The following ENTPD1 variants were observed in gnomAD, a reference collection of about 807,000 sequenced individuals.
ENTPD1 encodes ectonucleoside triphosphate diphosphohydrolase 1.
A neutral mutation model predicts 57.0 loss-of-function variants in ENTPD1; 33 were observed. The observed-to-expected ratio is 0.58, with a 90% confidence interval of 0.44 to 0.77. The LOEUF (loss-of-function observed/expected upper bound fraction) is 0.77. ENTPD1 is among the 30% of genes least tolerant of loss of function. The probability of loss-of-function intolerance (pLI) is 0.00; values close to 1 mark genes in which losing one functional copy is unlikely to be tolerated. For synonymous variants in ENTPD1, 202 were observed against 218.8 expected (o/e 0.92, Z 0.68); for missense variants, 501 against 603.4 (o/e 0.83, Z 1.78).
At position 95,872,986 on chromosome 10, in the gene ENTPD1, T is replaced by A; in HGVS notation, c.*6603T>A. The A allele has an allele frequency of 1.0e-6, 1 of 985,322 alleles. No homozygotes were observed. The highest frequency in any genetic ancestry group is 1.2e-6 in the Non-Finnish European group (1 of 829,826). The allele number at this position is 985,322 out of a possible 1,614,324, so 61.0% of individuals were successfully genotyped here. A position where few individuals can be genotyped will look rare whatever the true frequency, so the allele number is the denominator to read the frequency against. On this transcript the variant is annotated 3_prime_UTR_variant, in exon 10 of 10. Coordinates refer to ENST00000371205, the MANE Select transcript of ENTPD1 (RefSeq NM_001776.6). ...AGAATTTTAAGGATTAGAATGAACC[T>A]TAAAAGATCATGCATCTCAAAATTT...
At chr10:95,760,288 G>A (rs191418676) in intron 1 of ENTPD1, among the ~76,000 whole-genome samples, 6 of 152,346 alleles carry the variant, frequency 3.9e-5, no homozygotes, top group Admixed American at 1.3e-4. Context: ...CTAGAAAGAT[G>A]AGTAGAATCT....
chr10:95,825,402 AC>A (rs1229956132), intron 2 of ENTPD1, among the ~76,000 whole-genome samples: 2 of 152,232 alleles, frequency 1.3e-5, no homozygotes, highest in South Asian at 4.1e-4. Context: ...TGGTTTGTAA[AC>A]TAGTACCAGG....
intron 7 of ENTPD1, among the ~76,000 whole-genome samples, chr10:95,849,809 T>G (rs2098441736): frequency 2.6e-5 from 4 of 152,240 alleles, no homozygotes; most frequent in Admixed American, 6.5e-5. Context: ...TGGCACTGGC[T>G]CTTCACCTTG....
chr10:95,815,915 C>T (rs1274299657), intron 1 of ENTPD1, among the ~76,000 whole-genome samples: 6 of 152,146 alleles, frequency 3.9e-5, no homozygotes, highest in Admixed American at 2.6e-4. Flanking sequence ...ACTTTATAGG[C>T]GGCCATCTTG....
the ENTPD1 span, among the ~76,000 whole-genome samples, chr10:95,695,380 A>C: frequency 6.6e-6 from 1 of 152,166 alleles, no homozygotes; most frequent in Non-Finnish European, 1.5e-5. Flanking sequence ...TTAGTATATA[A>C]ATTAACATCT....
intron 1 of ENTPD1, among the ~76,000 whole-genome samples, chr10:95,811,137 G>A (rs1320356805): frequency 1.3e-5 from 2 of 152,178 alleles, no homozygotes; most frequent in Non-Finnish European, 2.9e-5. Context: ...TAACCCCAGA[G>A]GGGCAGAGGG....
At chr10:95,751,316 G>T (rs1291908902), upstream of ENTPD1, among the ~76,000 whole-genome samples, 2 of 152,176 alleles carry the variant, frequency 1.3e-5, no homozygotes, top group African/African-American at 2.4e-5. Flanking sequence ...GAGATCTTAA[G>T]GTATAGAAAC....
chr10:95,870,377 C>A lies in ENTPD1; in HGVS notation c.*3994C>A. 1.2e-6 allele frequency: 1 copy of A among 825,234 alleles called. No homozygotes were observed. The highest frequency in any genetic ancestry group is 1.5e-6 in the Non-Finnish European group (1 of 684,198). 51.1% of individuals were successfully genotyped at this position (825,234 alleles called of 1,614,324 possible). On this transcript the variant is annotated 3_prime_UTR_variant, in exon 10 of 10. Coordinates refer to ENST00000371205, the MANE Select transcript of ENTPD1 (RefSeq NM_001776.6). ...ATGGCTCACTGCAGCCTCGACCTCC[C>A]AAGCTCAAGCAAGGCTACAGGTGTG...
At chr10:95,695,349 G>T in the ENTPD1 span, among the ~76,000 whole-genome samples, 1 of 152,150 alleles carries the variant, frequency 6.6e-6, no homozygotes, top group Non-Finnish European at 1.5e-5. Context: ...CTGACATCTG[G>T]ATTATTTTGG....
the ENTPD1 span, among the ~76,000 whole-genome samples, chr10:95,699,258 G>A: frequency 1.3e-5 from 2 of 152,274 alleles, no homozygotes; most frequent in Admixed American, 1.3e-4. Context: ...AGAGACATGA[G>A]AATTTTGCAT....
intron 1 of ENTPD1, among the ~76,000 whole-genome samples, chr10:95,742,824 T>C (rs1009770013): frequency 1.2e-4 from 19 of 152,208 alleles, no homozygotes; most frequent in Admixed American, 9.8e-4. Flanking sequence ...CAGTTAAATA[T>C]CTATACACTG....
intron 1 of ENTPD1, among the ~76,000 whole-genome samples, chr10:95,760,880 A>T (rs1206485337): frequency 8.4e-6 from 1 of 119,518 alleles, no homozygotes; most frequent in Non-Finnish European, 1.6e-5. Flanking sequence ...CCCAGGCTGG[A>T]GTGCAGTGGC....
the ENTPD1 span, among the ~76,000 whole-genome samples, chr10:95,698,961 A>G: frequency 1.3e-5 from 2 of 152,192 alleles, no homozygotes; most frequent in Admixed American, 1.3e-4. Flanking sequence ...CAAAAGATCT[A>G]CATTTGAAAA....
rs2098433006 is a variant in ENTPD1 at position 95,845,350 on chromosome 10, C to T, written c.574-7C>T. Reference sequence around the variant, plus strand: ...CTTCTAGCACTGGTAACTGTACTGTCTTTCAGAAAACAAGGTGGTTCAGCA... The same window carrying T: ...CTTCTAGCACTGGTAACTGTACTGTTTTTCAGAAAACAAGGTGGTTCAGCA... On this transcript the variant is annotated splice_region_variant and splice_polypyrimidine_tract_variant and intron_variant, in intron 5 of 9. Transcript: ENST00000371205. 1.2e-6 allele frequency: 2 copies of T among 1,614,144 alleles called. No homozygotes were observed. Among genetic ancestry groups the T allele is most frequent in the African/African-American group, 2.7e-5 (2 of 75,036 alleles).
In ENTPD1 at chr10:95,839,616, G is replaced by A. The variant is rs900926841; in HGVS notation, c.145-75G>A. On this transcript the variant is annotated intron_variant, in intron 2 of 9. Transcript: ENST00000371205. ...TCTCCTCATGTTTTTGAAAATTCCA[G>A]TCCTTTCTTTTGCAAGCCTAATATG... 23 of 1,483,838 alleles carry A rather than the reference G, an allele frequency of 1.6e-5. No individual in the cohort carries two copies. In the East Asian group the frequency reaches 4.5e-4, roughly 29 times the overall value. 91.9% of individuals were successfully genotyped at this position (1,483,838 alleles called of 1,614,324 possible).
upstream of ENTPD1, chr10:95,755,752 C>A (rs866154950): frequency 1.3e-6 from 2 of 1,537,070 alleles, no homozygotes; most frequent in Middle Eastern, 1.7e-4. Flanking sequence ...TTCAGTTTTT[C>A]GAGCGGGTTT....
upstream of ENTPD1, among the ~76,000 whole-genome samples, chr10:95,708,933 G>A (rs1429772645): frequency 6.6e-6 from 1 of 152,134 alleles, no homozygotes; most frequent in Non-Finnish European, 1.5e-5. Flanking sequence ...ACAGCGGTGA[G>A]AGCTCTCTCA....
At chr10:95,821,761 T>G (rs1207789939) in intron 1 of ENTPD1, among the ~76,000 whole-genome samples, 1 of 152,180 alleles carries the variant, frequency 6.6e-6, no homozygotes, top group Non-Finnish European at 1.5e-5. Flanking sequence ...TGAGGTGGAT[T>G]GGAGACCCAT....
chr10:95,751,280 A>G (rs7071836), upstream of ENTPD1, among the ~76,000 whole-genome samples: 82,017 of 152,038 alleles, frequency 0.54, 22,543 homozygotes, highest in Admixed American at 0.63. Context: ...AGAAGTGACG[A>G]GAATGGAGAG....
Sources: gnomAD v4.1 joint callset for allele counts (sites outside exome capture counted in the v4.1 genomes callset) on GRCh38, gnomAD v4.1.1 for gene constraint, MANE v1.5 for transcripts, NCBI Gene and HGNC (gene_info 2026-07-23, HGNC 2026-07-21) for gene names.